TEX10: variants seen among roughly 807,000 people sequenced by gnomAD.
The protein encoded by TEX10 is testis expressed 10.
In TEX10, 24 loss-of-function variants were observed where a neutral mutation model predicts 104.4. That is an observed-to-expected ratio of 0.23 (90% CI 0.17 to 0.32). The LOEUF (loss-of-function observed/expected upper bound fraction) is 0.32, where lower values mean the gene tolerates loss of function less well. Ranked by LOEUF, TEX10 falls within the 10% of genes least tolerant of loss-of-function variation. TEX10 has a pLI of 1.00. For missense variants in TEX10, 921 were observed against 1,083.9 expected (o/e 0.85, Z 2.11); for synonymous variants, 396 against 393.4 (o/e 1.01, Z -0.08).
At chr9:100,335,984 A>G (rs1277057772) in intron 5 of TEX10, among the ~76,000 whole-genome samples, 1 of 151,974 alleles carries the variant, frequency 6.6e-6, no homozygotes, top group African/African-American at 2.4e-5. Flanking sequence ...CCTGACCAAC[A>G]TGGTGAAACC....
chr9:100,302,896 CCAAT>C (rs369079753), intron 14 of TEX10, among the ~76,000 whole-genome samples: 124 of 151,832 alleles, frequency 8.2e-4, no homozygotes, highest in African/African-American at 2.8e-3. Flanking sequence ...GGATAATCTG[CCAAT>C]CAAACTATAC....
chr9:100,318,687 T>C (rs1418807783), intron 11 of TEX10, among the ~76,000 whole-genome samples: 1 of 152,254 alleles, frequency 6.6e-6, no homozygotes, highest in East Asian at 1.9e-4. Flanking sequence ...GTGATACTGT[T>C]TGTGTATTTA....
At chr9:100,339,273 A>AAAAAAAAAAAAAC (rs1835101199) in intron 5 of TEX10, among the ~76,000 whole-genome samples, 1 of 108,374 alleles carries the variant, frequency 9.2e-6, no homozygotes, top group African/African-American at 3.8e-5. Context: ...AAAAAAAAAA[A>AAAAAAAAAAAAAC]AGTATATATA....
At position 100,308,457 on chromosome 9, in the gene TEX10, G is replaced by C. The variant is rs1180740334; in HGVS notation, c.2465+43C>G. On this transcript the variant is annotated intron_variant, in intron 13 of 14. Coordinates refer to ENST00000374902, the MANE Select transcript of TEX10 (RefSeq NM_017746.4). ...ATTTTATTATTTGGTTGGGGGAGGA[G>C]GAACAGTAGGAAAATTAAGGTTGAA... 2.0e-6 allele frequency: 3 copies of C among 1,506,000 alleles called. No homozygotes were observed. In the East Asian group the frequency reaches 6.9e-5, roughly 34 times the overall value. 93.3% of individuals were successfully genotyped at this position (1,506,000 alleles called of 1,614,324 possible). A position where few individuals can be genotyped will look rare whatever the true frequency, so the allele number is the denominator to read the frequency against.
chr9:100,347,155 A>G lies in TEX10; in HGVS notation c.432T>C (p.His144=). 6.2e-7 allele frequency: 1 copy of G among 1,614,164 alleles called. No homozygotes were observed. The highest frequency in any genetic ancestry group is 1.1e-5 in the South Asian group (1 of 91,080). ...ISPFFPLVSA[H]LSSAMTHITE... ...TAATGTGAGTCATGGCACTAGAGAG[A>G]TGGGCACTTACCAAAGGAAAAAATG... The change falls in exon 3 of 15, where the codon CAT becomes CAC. Residue 144 remains histidine, a synonymous_variant. Transcript: ENST00000374902.
At chr9:100,339,581 C>G (rs1332802839) in intron 5 of TEX10, among the ~76,000 whole-genome samples, 1 of 151,832 alleles carries the variant, frequency 6.6e-6, no homozygotes, top group African/African-American at 2.4e-5. Flanking sequence ...CAATGATTCT[C>G]TAGCTAATGT....
chr9:100,352,435 C>G (rs944332093), intron 1 of TEX10: 5 of 1,551,630 alleles, frequency 3.2e-6, no homozygotes, highest in Non-Finnish European at 4.4e-6. Context: ...TTTTAGGAAA[C>G]CATCGTTCCT....
intron 7 of TEX10, 84 bp downstream of exon 7, chr9:100,329,052 GATTT>G: frequency 7.5e-7 from 1 of 1,338,362 alleles, no homozygotes; most frequent in Non-Finnish European, 1.0e-6. Context: ...CTTCTCCAAA[GATTT>G]AATCTCTCTA....
intron 11 of TEX10, among the ~76,000 whole-genome samples, chr9:100,313,591 G>GT (rs1352733447): frequency 1.3e-5 from 2 of 151,762 alleles, no homozygotes; most frequent in Non-Finnish European, 2.9e-5. Context: ...GGTCACACCT[G>GT]TAATTCCAGC....
chr9:100,344,108 C>T (rs1835241673), intron 4 of TEX10, among the ~76,000 whole-genome samples: 1 of 152,292 alleles, frequency 6.6e-6, no homozygotes, highest in African/African-American at 2.4e-5. Context: ...CAAGTTATTA[C>T]AAATCTGCCA....
intron 1 of TEX10, 119 bp from the exon 2 acceptor site, chr9:100,349,491 T>C: frequency 1.6e-6 from 1 of 627,740 alleles, no homozygotes; most frequent in East Asian, 3.2e-5. Context: ...AGAATCTGAT[T>C]ATGCTGAAAG....
chr9:100,308,592 C>T lies in TEX10; in HGVS notation c.2373G>A (p.Glu791=). Reference sequence around the variant, plus strand: ...AAGAAGCCAGAAATGGCAGTAGAGTCTCACTAACTACACAAGTATGATCCA... The same window carrying T: ...AAGAAGCCAGAAATGGCAGTAGAGTTTCACTAACTACACAAGTATGATCCA... The part of the protein sequence containing the change: ...KLLDHTCVVS[E]TLLPFLASCC... Residue 791 remains glutamate (E), a synonymous_variant, in exon 13 of 15, where the codon GAG becomes GAA. Transcript: ENST00000374902. 1 of 1,613,384 alleles carries T rather than the reference C, an allele frequency of 6.2e-7. No individual in the cohort carries two copies. The highest frequency in any genetic ancestry group is 8.5e-7 in the Non-Finnish European group (1 of 1,179,598).
At chr9:100,338,837 A>G (rs935025515) in intron 5 of TEX10, among the ~76,000 whole-genome samples, 1 of 90,756 alleles carries the variant, frequency 1.1e-5, no homozygotes, top group Non-Finnish European at 1.9e-5. Flanking sequence ...GGTTGCAGTG[A>G]GCCAAGATTA....
intron 9 of TEX10, among the ~76,000 whole-genome samples, chr9:100,323,400 A>C (rs1834622480): frequency 1.3e-5 from 2 of 152,166 alleles, no homozygotes; most frequent in African/African-American, 4.8e-5. Context: ...TCTTGGTGCA[A>C]GCCAATTTCT....
chr9:100,325,381 G>A (rs1037718392), intron 9 of TEX10, among the ~76,000 whole-genome samples: 1 of 152,144 alleles, frequency 6.6e-6, no homozygotes, highest in African/African-American at 2.4e-5. Context: ...TGGCACAGCC[G>A]CTATGGAAAA....
chr9:100,332,460 T>G (rs1834887472), intron 5 of TEX10, among the ~76,000 whole-genome samples: 1 of 152,100 alleles, frequency 6.6e-6, no homozygotes. Context: ...AACCAACAAT[T>G]CTAGGAGGAA....
At chr9:100,352,644 G>C in intron 1 of TEX10, 128 bp downstream of exon 1, 1 of 1,437,828 alleles carries the variant, frequency 7.0e-7, no homozygotes, top group East Asian at 2.5e-5. Context: ...CCGCGGCCCA[G>C]ACCCGGGGGA....
intron 14 of TEX10, among the ~76,000 whole-genome samples, chr9:100,303,171 T>G (rs561888526): frequency 6.6e-6 from 1 of 152,326 alleles, no homozygotes; most frequent in East Asian, 1.9e-4. Flanking sequence ...CTAAAAACTT[T>G]ACTTGGGTTA....
At chr9:100,337,510 T>TA (rs1835041363) in intron 5 of TEX10, among the ~76,000 whole-genome samples, 1 of 152,210 alleles carries the variant, frequency 6.6e-6, no homozygotes, top group African/African-American at 2.4e-5. Flanking sequence ...AAAACTCTAA[T>TA]AAGAAAATTG....
Sources: gnomAD v4.1 joint callset for allele counts (sites outside exome capture counted in the v4.1 genomes callset) on GRCh38, gnomAD v4.1.1 for gene constraint, MANE v1.5 for transcripts, NCBI Gene and HGNC (gene_info 2026-07-23, HGNC 2026-07-21) for gene names.